Variants in ATP10A observed in about 807,000 individuals in gnomAD.
ATP10A encodes ATPase phospholipid transporting 10A (putative).
A neutral mutation model predicts 147.8 loss-of-function variants in ATP10A; 111 were observed. That is an observed-to-expected ratio of 0.75 (90% CI 0.64 to 0.88). The LOEUF (loss-of-function observed/expected upper bound fraction) is 0.88. Among genes scored for constraint, ATP10A ranks in the 40% least tolerant of loss-of-function variants. ATP10A has a pLI of 0.00. For missense variants in ATP10A, 1,927 were observed against 1,959.0 expected (o/e 0.98, Z 0.31); for synonymous variants, 875 against 841.6 (o/e 1.04, Z -0.69).
chr15:25,819,799 T>G (rs1161329962), intron 1 of ATP10A, among the ~76,000 whole-genome samples: 1 of 152,178 alleles, frequency 6.6e-6, no homozygotes, highest in Non-Finnish European at 1.5e-5. Context: ...TGGAGGTTGT[T>G]ATCTTAAGTG....
intron 7 of ATP10A, among the ~76,000 whole-genome samples, chr15:25,719,253 G>C (rs1902055229): frequency 6.6e-6 from 1 of 152,172 alleles, no homozygotes; most frequent in South Asian, 2.1e-4. Context: ...GATACTTATG[G>C]AGCCGGCCAG....
chr15:25,735,120 G>A (rs1038292128), intron 3 of ATP10A, among the ~76,000 whole-genome samples: 1 of 152,166 alleles, frequency 6.6e-6, no homozygotes, highest in Non-Finnish European at 1.5e-5. Flanking sequence ...ACAGTGCCAG[G>A]AGGTGGCCCC....
intron 19 of ATP10A, among the ~76,000 whole-genome samples, chr15:25,680,596 G>A (rs907593740): frequency 3.9e-5 from 6 of 152,120 alleles, no homozygotes; most frequent in Non-Finnish European, 7.4e-5. Flanking sequence ...GGAGGGAGAT[G>A]AGCATGGCCG....
At chr15:25,774,329 C>G (rs1399229924) in intron 2 of ATP10A, among the ~76,000 whole-genome samples, 1 of 152,206 alleles carries the variant, frequency 6.6e-6, no homozygotes, top group Admixed American at 6.5e-5. Context: ...AATGCCAGCA[C>G]TTTGGGAGGC....
At chr15:25,764,842 T>C (rs1344468933) in intron 2 of ATP10A, among the ~76,000 whole-genome samples, 1 of 152,226 alleles carries the variant, frequency 6.6e-6, no homozygotes, top group African/African-American at 2.4e-5. Context: ...AGGAGTGCCA[T>C]GAGCTAAAAG....
chr15:25,721,784 C>A lies in ATP10A; in HGVS notation c.1236G>T (p.Leu412=). 3 of 1,614,158 alleles carry A rather than the reference C, an allele frequency of 1.9e-6. No homozygotes were observed. Among genetic ancestry groups the A allele is most frequent in the Non-Finnish European group, 2.5e-6 (3 of 1,180,026 alleles). The stretch of plus-strand genomic sequence containing the variant: ...TCTGTCCTAAGTCTTCCGTGATGTT[C>A]AGAGCTCGGCACTGCAGCTGCGAGT... ...ETDSQLQCRA[L]NITEDLGQIQ... is the part of the protein sequence containing the mutation. Residue 412 remains leucine, a synonymous_variant, in exon 7 of 21, where the codon CTG becomes CTT. Coordinates refer to ENST00000555815, the MANE Select transcript of ATP10A (RefSeq NM_024490.4).
chr15:25,720,563 G>A (rs1297009977), intron 7 of ATP10A, among the ~76,000 whole-genome samples: 2 of 151,888 alleles, frequency 1.3e-5, no homozygotes, highest in Non-Finnish European at 2.9e-5. Flanking sequence ...TATGGGAGGG[G>A]AAGGGGAGGA....
intron 14 of ATP10A, among the ~76,000 whole-genome samples, chr15:25,693,512 T>C (rs1900146888): frequency 6.6e-6 from 1 of 151,186 alleles, no homozygotes; most frequent in African/African-American, 2.4e-5. Context: ...CTGTGTACTG[T>C]GGCCTTTCAG....
chr15:25,730,237 G>T (rs1277315920), intron 3 of ATP10A, among the ~76,000 whole-genome samples: 2 of 151,626 alleles, frequency 1.3e-5, no homozygotes, highest in East Asian at 3.9e-4. Context: ...AGGAGGTGGA[G>T]GTTGCAGTGA....
rs114139673 is a variant in ATP10A, at chr15:25,702,251, G to A, written c.2576-151C>T. ...CTTGCCAGGGGCTGGGCTGCCAGTTGTCTGCCATGTAGTGACAGGAAGTCC... is the reference window on the plus strand; with the variant it reads ...CTTGCCAGGGGCTGGGCTGCCAGTTATCTGCCATGTAGTGACAGGAAGTCC... On this transcript the variant is annotated intron_variant, in intron 12 of 20. Transcript: ENST00000555815. 1,617 of 754,280 alleles carry A rather than the reference G, an allele frequency of 2.1e-3. 28 individuals carry two copies. The African/African-American group carries it at 0.025, about 11-fold the overall frequency. The allele number at this position is 754,280 out of a possible 1,614,324, so 46.7% of individuals were successfully genotyped here. A position where few individuals can be genotyped will look rare whatever the true frequency, so the allele number is the denominator to read the frequency against.
In ATP10A at chr15:25,716,922, C is replaced by T. The variant is rs142521995; in HGVS notation, c.1584G>A (p.Glu528=). ...GCTTTGGGTCGGGCGTGATATCCTTCTCCTGGGAGAAAGGGAGGCTGGCAG... is the reference window on the plus strand; with the variant it reads ...GCTTTGGGTCGGGCGTGATATCCTTTTCCTGGGAGAAAGGGAGGCTGGCAG... ...SKHTAFSSPM[E]KDITPDPKLL... The change falls in exon 9 of 21, where the codon GAG becomes GAA. Residue 528 remains glutamate (E), a splice_region_variant and synonymous_variant. Transcript: ENST00000555815. 2.6e-6 allele frequency: 4 copies of T among 1,560,506 alleles called. No homozygotes were observed. Among genetic ancestry groups the T allele is most frequent in the African/African-American group, 1.4e-5 (1 of 73,410 alleles).
chr15:25,822,580 A>G (rs904787836), intron 1 of ATP10A, among the ~76,000 whole-genome samples: 26 of 152,166 alleles, frequency 1.7e-4, no homozygotes, highest in African/African-American at 6.3e-4. Flanking sequence ...TAAGTGTCGC[A>G]CCCAAATTGA....
intron 12 of ATP10A, 142 bp from the exon 13 acceptor site, chr15:25,702,242 C>T: frequency 1.2e-6 from 1 of 826,396 alleles, no homozygotes; most frequent in South Asian, 1.9e-5. Flanking sequence ...AGGGGCTGGG[C>T]TGCCAGTTGT....
At chr15:25,807,674 C>T (rs539513531) in intron 1 of ATP10A, among the ~76,000 whole-genome samples, 400 of 152,174 alleles carry the variant, frequency 2.6e-3, no homozygotes, top group African/African-American at 9.0e-3. Flanking sequence ...TGGTGGTGCA[C>T]ACCTGTAATC....
chr15:25,694,082 G>A lies in ATP10A; in HGVS notation c.3088+737C>T, dbSNP rs186044834. ...TCCTTCCTGGCCCTCACCAGGAGGT[G>A]GTGCTGCTGAGCCCCTGAACCTGTG... On this transcript the variant is annotated intron_variant, in intron 14 of 20. Transcript: ENST00000555815. 2.9e-4 allele frequency among the ~76,000 whole-genome samples: 44 copies of A among 152,120 alleles called. No individual in the cohort carries two copies. The Middle Eastern group carries it at 0.014, about 47-fold the overall frequency.
At chr15:25,847,843 G>A (rs941377026) in intron 1 of ATP10A, among the ~76,000 whole-genome samples, 4 of 151,742 alleles carry the variant, frequency 2.6e-5, no homozygotes, top group Non-Finnish European at 5.9e-5. Flanking sequence ...TGTTTTCCAG[G>A]CTGGTATCCA....
intron 9 of ATP10A, among the ~76,000 whole-genome samples, chr15:25,716,333 C>T (rs1217726495): frequency 6.6e-6 from 1 of 152,100 alleles, no homozygotes; most frequent in East Asian, 1.9e-4. Flanking sequence ...GGGAGGTTGT[C>T]CTGGGTAGCC....
At chr15:25,764,452 G>A (rs528135035) in intron 2 of ATP10A, among the ~76,000 whole-genome samples, 55 of 152,296 alleles carry the variant, frequency 3.6e-4, no homozygotes, top group African/African-American at 1.3e-3. Flanking sequence ...TAGGGCATGA[G>A]GGTGGAGCCT....
At chr15:25,833,742 A>C (rs980870545) in intron 1 of ATP10A, among the ~76,000 whole-genome samples, 6 of 152,198 alleles carry the variant, frequency 3.9e-5, no homozygotes, top group Non-Finnish European at 8.8e-5. Context: ...ACACTTTGGG[A>C]GGCTGAGGCG....
Sources: gnomAD v4.1 joint callset for allele counts (sites outside exome capture counted in the v4.1 genomes callset) on GRCh38, gnomAD v4.1.1 for gene constraint, MANE v1.5 for transcripts, NCBI Gene and HGNC (gene_info 2026-07-23, HGNC 2026-07-21) for gene names.